The following PSD3 variants were observed in gnomAD, a reference collection of about 807,000 sequenced individuals.
PSD3 encodes pleckstrin and Sec7 domain containing 3.
A neutral mutation model predicts 105.5 loss-of-function variants in PSD3; 49 were observed. The observed-to-expected ratio is 0.46, with a 90% CI of 0.37 to 0.59. The LOEUF (loss-of-function observed/expected upper bound fraction) is 0.59. PSD3 is among the 20% of genes least tolerant of loss of function. PSD3 has a pLI of 0.00. For missense variants in PSD3, 1,561 were observed against 1,263.8 expected (o/e 1.24, Z -3.57); for synonymous variants, 557 against 457.8 (o/e 1.22, Z -2.77).
chr8:18,750,129 T>TATTTAA (rs1354986042), intron 9 of PSD3, among the ~76,000 whole-genome samples: 1 of 152,188 alleles, frequency 6.6e-6, no homozygotes, highest in African/African-American at 2.4e-5. Context: ...CACATTCTCC[T>TATTTAA]TCATATTATA....
intron 14 of PSD3, among the ~76,000 whole-genome samples, chr8:18,560,175 T>TACACACAC (rs5889808): frequency 0.022 from 3,142 of 143,426 alleles, 23 homozygotes; most frequent in Non-Finnish European, 0.027. Flanking sequence ...ATACACATTT[T>TACACACAC]ACACACACAC....
At chr8:18,856,092 CCTT>C (rs1815986103) in intron 4 of PSD3, among the ~76,000 whole-genome samples, 1 of 152,180 alleles carries the variant, frequency 6.6e-6, no homozygotes, top group South Asian at 2.1e-4. Context: ...TAGTTCAGCT[CCTT>C]CTCTCTGGCA....
intron 9 of PSD3, among the ~76,000 whole-genome samples, chr8:18,710,535 C>T (rs1404642180): frequency 6.6e-6 from 1 of 152,010 alleles, no homozygotes; most frequent in Non-Finnish European, 1.5e-5. Flanking sequence ...CTCTAAGATA[C>T]CTAATCTTCA....
At chr8:18,779,403 T>C (rs1808401835) in intron 8 of PSD3, among the ~76,000 whole-genome samples, 1 of 152,072 alleles carries the variant, frequency 6.6e-6, no homozygotes, top group South Asian at 2.1e-4. Context: ...AACCCAACTC[T>C]TCATTTCACT....
At chr8:18,567,991 G>C (rs1801899476) in intron 14 of PSD3, among the ~76,000 whole-genome samples, 1 of 152,138 alleles carries the variant, frequency 6.6e-6, no homozygotes, top group Non-Finnish European at 1.5e-5. Flanking sequence ...AGTGAAAGTG[G>C]GTTGTTAAAA....
At chr8:18,573,820 G>A (rs970206034) in intron 13 of PSD3, among the ~76,000 whole-genome samples, 1 of 152,162 alleles carries the variant, frequency 6.6e-6, no homozygotes, top group African/African-American at 2.4e-5. Context: ...AATGCGCACG[G>A]GGATCTCTTT....
intron 8 of PSD3, among the ~76,000 whole-genome samples, chr8:18,783,307 A>G (rs2129445487): frequency 6.6e-6 from 1 of 152,320 alleles, no homozygotes; most frequent in Admixed American, 6.5e-5. Context: ...GGCCAATAGT[A>G]ATGCCCTCTT....
At chr8:18,547,955 G>C (rs1290810266) in intron 15 of PSD3, among the ~76,000 whole-genome samples, 1 of 152,112 alleles carries the variant, frequency 6.6e-6, no homozygotes, top group Non-Finnish European at 1.5e-5. Context: ...TGTTGATGGT[G>C]TTCCATGAAT....
intron 1 of PSD3, among the ~76,000 whole-genome samples, chr8:19,079,125 G>T (rs1238985262): frequency 6.6e-6 from 1 of 152,072 alleles, no homozygotes; most frequent in Non-Finnish European, 1.5e-5. Context: ...GAATGTTGAG[G>T]ATGGGGTAAG....
At chr8:18,949,245 ATATATATATATAT>A (rs1413104691) in intron 1 of PSD3, among the ~76,000 whole-genome samples, 6 of 35,238 alleles carry the variant, frequency 1.7e-4, no homozygotes, top group Non-Finnish European at 3.3e-4. Flanking sequence ...AAAAAAAAAA[ATATATATATATAT>A]ATATATATAT....
chr8:18,976,439 T>C (rs1162672594), intron 1 of PSD3, among the ~76,000 whole-genome samples: 1 of 152,212 alleles, frequency 6.6e-6, no homozygotes, highest in Non-Finnish European at 1.5e-5. Flanking sequence ...GGTAGGAGTA[T>C]ATGTGGACAT....
At chr8:18,713,091 A>G (rs1170367769) in intron 9 of PSD3, among the ~76,000 whole-genome samples, 1 of 152,198 alleles carries the variant, frequency 6.6e-6, no homozygotes, top group Admixed American at 6.5e-5. Context: ...ATATCCCTTC[A>G]TGTTAAAAAT....
At chr8:18,771,938 T>C (rs1807578810) in intron 8 of PSD3, among the ~76,000 whole-genome samples, 2 of 152,244 alleles carry the variant, frequency 1.3e-5, no homozygotes, top group African/African-American at 2.4e-5. Flanking sequence ...TCTGTTTATA[T>C]GAATTTAACA....
chr8:19,027,661 G>GA (rs1379012343), intron 1 of PSD3, among the ~76,000 whole-genome samples: 22 of 152,256 alleles, frequency 1.4e-4, no homozygotes, highest in African/African-American at 5.3e-4. Flanking sequence ...CCGTAGTTTT[G>GA]TCTTTTTTAT....
chr8:18,849,862 T>A (rs1815425468), intron 4 of PSD3, among the ~76,000 whole-genome samples: 1 of 152,148 alleles, frequency 6.6e-6, no homozygotes, highest in Non-Finnish European at 1.5e-5. Flanking sequence ...GTCCAATCGA[T>A]GAGTTCCCCA....
At chr8:18,650,806 T>A (rs945647925) in intron 10 of PSD3, among the ~76,000 whole-genome samples, 1 of 152,212 alleles carries the variant, frequency 6.6e-6, no homozygotes, top group Non-Finnish European at 1.5e-5. Context: ...ATTCTCTTAA[T>A]GTGCACTGTA....
chr8:18,830,930 C>T (rs1813631033), intron 4 of PSD3, among the ~76,000 whole-genome samples: 1 of 152,174 alleles, frequency 6.6e-6, no homozygotes. Context: ...AGGAGCTTCC[C>T]TGAAACCATT....
intron 11 of PSD3, among the ~76,000 whole-genome samples, chr8:18,625,972 G>A (rs1327566522): frequency 6.6e-6 from 1 of 152,000 alleles, no homozygotes; most frequent in Non-Finnish European, 1.5e-5. Flanking sequence ...ATCATATTGA[G>A]AAAACTAAGA....
Position 18,848,535 on chromosome 8 carries a change from C to A in PSD3, c.1634+19139G>T, listed in dbSNP as rs183041069. 3.3e-3 allele frequency among the ~76,000 whole-genome samples: 501 copies of A among 152,314 alleles called. 3 individuals carry two copies. The highest frequency in any genetic ancestry group is 0.011 in the African/African-American group (461 of 41,556). Reference sequence around the variant, plus strand: ...CCAAGCCAGGCATGCAACTGAGAAGCAGCTTGTAGCAGTGGTGATTAAGTT... The same window carrying A: ...CCAAGCCAGGCATGCAACTGAGAAGAAGCTTGTAGCAGTGGTGATTAAGTT... On this transcript the variant is annotated intron_variant, in intron 4 of 15. Coordinates refer to ENST00000327040, the MANE Select transcript of PSD3 (RefSeq NM_015310.4).
Sources: gnomAD v4.1 joint callset for allele counts (sites outside exome capture counted in the v4.1 genomes callset) on GRCh38, gnomAD v4.1.1 for gene constraint, MANE v1.5 for transcripts, NCBI Gene and HGNC (gene_info 2026-07-23, HGNC 2026-07-21) for gene names.